NRP1: variants seen among roughly 807,000 people sequenced by gnomAD.
NRP1 encodes the protein neuropilin-1.
A neutral mutation model predicts 106.7 loss-of-function variants in NRP1; 35 were observed. The observed-to-expected ratio is 0.33, with a 90% CI of 0.25 to 0.43. NRP1 has a LOEUF of 0.43. Ranked by LOEUF, NRP1 falls within the 20% of genes least tolerant of loss-of-function variation. NRP1 has a pLI of 1.00. For synonymous variants in NRP1, 437 were observed against 417.9 expected (o/e 1.05, Z -0.56); for missense variants, 1,024 against 1,170.4 (o/e 0.87, Z 1.83).
chr10:33,258,733 C>T (rs759506390), intron 4 of NRP1, among the ~76,000 whole-genome samples: 35 of 152,128 alleles, frequency 2.3e-4, no homozygotes, highest in Non-Finnish European at 4.0e-4. Flanking sequence ...CTGGATGTGG[C>T]CCTAGTAGTA....
At chr10:33,283,648 T>C (rs922250381) in intron 2 of NRP1, among the ~76,000 whole-genome samples, 2 of 152,244 alleles carry the variant, frequency 1.3e-5, no homozygotes, top group Non-Finnish European at 2.9e-5. Flanking sequence ...ATTTGCCTTA[T>C]AGACTAATGA....
intron 2 of NRP1, among the ~76,000 whole-genome samples, chr10:33,278,147 T>G (rs1843849515): frequency 6.6e-6 from 1 of 152,202 alleles, no homozygotes; most frequent in African/African-American, 2.4e-5. Context: ...GATTTTTTTT[T>G]TCTGTTGGGG....
At chr10:33,226,037 TA>T in intron 7 of NRP1, 96 bp downstream of exon 7, 1 of 1,357,072 alleles carries the variant, frequency 7.4e-7, no homozygotes, top group Non-Finnish European at 1.0e-6. Flanking sequence ...AATTCAAAAA[TA>T]AACCAGGCCA....
chr10:33,302,991 G>C (rs796753548), intron 2 of NRP1, among the ~76,000 whole-genome samples: 22 of 152,304 alleles, frequency 1.4e-4, no homozygotes, highest in African/African-American at 5.1e-4. Flanking sequence ...TAATTTCAAA[G>C]TTGGGTACAT....
chr10:33,303,851 G>A (rs914322653), intron 2 of NRP1, among the ~76,000 whole-genome samples: 1 of 152,140 alleles, frequency 6.6e-6, no homozygotes, highest in Non-Finnish European at 1.5e-5. Flanking sequence ...ACAAGTCATT[G>A]TCCATCTTTC....
In NRP1 at chr10:33,207,558, G is replaced by A. The variant is rs377479514; in HGVS notation, c.1759+14C>T. The A allele has an allele frequency of 2.6e-4, 420 of 1,613,562 alleles. 8 individuals are homozygous for A. In the South Asian group the frequency reaches 4.4e-3, roughly 17 times the overall value. Reference sequence around the variant, plus strand: ...TAAAAACGCATGAGAAGTAACTCTGGAGATCATAATTACCTTCCACTTCAC... The same window carrying A: ...TAAAAACGCATGAGAAGTAACTCTGAAGATCATAATTACCTTCCACTTCAC... On this transcript the variant is annotated intron_variant, in intron 10 of 16. Coordinates refer to ENST00000374867, the MANE Select transcript of NRP1 (RefSeq NM_003873.7).
chr10:33,314,381 A>G (rs1176941212), intron 2 of NRP1, among the ~76,000 whole-genome samples: 1 of 152,258 alleles, frequency 6.6e-6, no homozygotes, highest in African/African-American at 2.4e-5. Flanking sequence ...GTCCAGCGTC[A>G]TGTAAATCAT....
At chr10:33,271,182 T>C (rs1843290265) in intron 2 of NRP1, among the ~76,000 whole-genome samples, 1 of 152,230 alleles carries the variant, frequency 6.6e-6, no homozygotes, top group Non-Finnish European at 1.5e-5. Flanking sequence ...TATTAAATTG[T>C]GTTCCTTTGT....
At chr10:33,261,264 A>G (rs1206697689) in intron 4 of NRP1, among the ~76,000 whole-genome samples, 1 of 152,108 alleles carries the variant, frequency 6.6e-6, no homozygotes, top group African/African-American at 2.4e-5. Context: ...ACTTTGAAAA[A>G]CCCTTGACAC....
At position 33,213,616 on chromosome 10, in the gene NRP1, T is replaced by A; in HGVS notation, c.1384A>T (p.Ile462Phe). 6.2e-7 allele frequency: 1 copy of A among 1,614,142 alleles called. No homozygotes were observed. The highest frequency in any genetic ancestry group is 8.5e-7 in the Non-Finnish European group (1 of 1,180,016). ...QGDRNWMPENIRLVTSRSGWA... is the reference protein window; with the variant it reads ...QGDRNWMPENFRLVTSRSGWA... ...CCAGAGCGACTGGTTACCAGGCGGATGTTTTCAGGCATCCAGTTTCTGTCC... is the reference window on the plus strand; with the variant it reads ...CCAGAGCGACTGGTTACCAGGCGGAAGTTTTCAGGCATCCAGTTTCTGTCC... Residue 462 changes from isoleucine to phenylalanine, a missense_variant, in exon 9 of 17, where the codon ATC (isoleucine) becomes TTC (phenylalanine). Physicochemically the swap from Ile to Phe is conservative, Grantham distance 21 (BLOSUM62 0). This residue lies in a region of NRP1 where 562 missense variants were observed against 620.3 expected (regional missense o/e 0.91). Transcript: ENST00000374867.
intron 6 of NRP1, among the ~76,000 whole-genome samples, chr10:33,237,816 C>T (rs995261131): frequency 4.0e-5 from 6 of 151,872 alleles, no homozygotes; most frequent in Non-Finnish European, 1.5e-5. Context: ...TTGGCCTCCC[C>T]GCTGGGATTA....
intron 4 of NRP1, among the ~76,000 whole-genome samples, chr10:33,262,467 C>T (rs907439647): frequency 6.6e-6 from 1 of 152,072 alleles, no homozygotes; most frequent in Non-Finnish European, 1.5e-5. Flanking sequence ...CTTTGGGAGG[C>T]TGAGGCAGGA....
chr10:33,245,741 A>C (rs1841369476), intron 6 of NRP1, among the ~76,000 whole-genome samples: 1 of 151,768 alleles, frequency 6.6e-6, no homozygotes, highest in Non-Finnish European at 1.5e-5. Context: ...AGGGATTTAG[A>C]CAAAAGGATG....
intron 8 of NRP1, among the ~76,000 whole-genome samples, chr10:33,216,852 T>C (rs936627685): frequency 9.2e-5 from 14 of 152,168 alleles, no homozygotes; most frequent in Non-Finnish European, 1.8e-4. Flanking sequence ...TTTATATGAC[T>C]CTTCATGCCC....
In NRP1 at chr10:33,186,508, T is replaced by C. The variant is rs374273846; in HGVS notation, c.2063-20A>G. On this transcript the variant is annotated intron_variant, in intron 13 of 16. Transcript: ENST00000374867. ...CATCTCCTGCTGTGACAAAGAACTG[T>C]GTTAGGGAGAGTGGCCAGGATTACC... The C allele has an allele frequency of 1.3e-4, 209 of 1,589,270 alleles. No individual in the cohort carries two copies. The highest frequency in any genetic ancestry group is 1.7e-4 in the Non-Finnish European group (195 of 1,164,600).
chr10:33,308,152 G>T (rs1459797563), intron 2 of NRP1, among the ~76,000 whole-genome samples: 1 of 152,032 alleles, frequency 6.6e-6, no homozygotes, highest in Non-Finnish European at 1.5e-5. Flanking sequence ...ATTTATAAGT[G>T]GGAGCTAAAC....
intron 10 of NRP1, among the ~76,000 whole-genome samples, chr10:33,207,177 G>C (rs918879481): frequency 2.6e-5 from 4 of 152,128 alleles, no homozygotes; most frequent in African/African-American, 9.7e-5. Context: ...GTTTTACTTT[G>C]GAGTGATGGA....
At chr10:33,323,756 A>G (rs1847693938) in intron 2 of NRP1, among the ~76,000 whole-genome samples, 1 of 152,192 alleles carries the variant, frequency 6.6e-6, no homozygotes, top group Non-Finnish European at 1.5e-5. Flanking sequence ...GTCTAGATGA[A>G]TACTACCACT....
At chr10:33,187,424 G>A (rs1836087573) in intron 13 of NRP1, among the ~76,000 whole-genome samples, 2 of 151,744 alleles carry the variant, frequency 1.3e-5, no homozygotes, top group South Asian at 2.1e-4. Context: ...CATGGTTTTC[G>A]AATTCCTTAA....
Sources: allele counts gnomAD v4.1 joint callset (sites outside exome capture counted in the v4.1 genomes callset), GRCh38; gene constraint gnomAD v4.1.1; regional missense constraint gnomAD v4.1.1; transcripts MANE v1.5; gene names NCBI Gene and HGNC (gene_info 2026-07-23, HGNC 2026-07-21).